ATAD3B: variants seen among roughly 807,000 people sequenced by gnomAD.
ATAD3B encodes ATPase family AAA domain-containing protein 3B.
Under a neutral mutation model 70.2 loss-of-function variants are expected in ATAD3B, and 59 were observed. The ratio of observed to expected loss-of-function variants is 0.84; its 90% CI spans 0.68 to 1.04. The LOEUF is 1.04. Among genes scored for constraint, ATAD3B ranks in the 50% least tolerant of loss-of-function variants. ATAD3B has a pLI of 0.00. For missense variants in ATAD3B, 961 were observed against 913.4 expected (o/e 1.05, Z -0.67); for synonymous variants, 423 against 388.6 (o/e 1.09, Z -1.04).
chr1:1,496,329 G>T lies in ATAD3B; in HGVS notation c.*512G>T, dbSNP rs146920074. ...CTGGAGAATTTACTGATCACAGAGC[G>T]GTGTGCTTCACATCAGCCTCGCGCC... is the stretch of plus-strand genomic sequence containing the variant. On this transcript the variant is annotated 3_prime_UTR_variant, in exon 16 of 16. Coordinates refer to ENST00000673477, the MANE Select transcript of ATAD3B (RefSeq NM_031921.6). The T allele has an allele frequency of 1.2e-6, 1 of 846,608 alleles. No individual in the cohort carries two copies. The highest frequency in any genetic ancestry group is 1.4e-6 in the Non-Finnish European group (1 of 702,666). 52.4% of individuals were successfully genotyped at this position (846,608 alleles called of 1,614,324 possible).
At chr1:1,482,043 G>A (rs1429474984) in intron 5 of ATAD3B, 95 bp from the exon 6 acceptor site, 33 of 1,506,184 alleles carry the variant, frequency 2.2e-5, no homozygotes, top group African/African-American at 7.2e-5. Flanking sequence ...TGTCCGTGGC[G>A]TGGGCCGGTC....
chr1:1,473,579 C>A (rs150991470), intron 1 of ATAD3B, among the ~76,000 whole-genome samples: 2 of 150,418 alleles, frequency 1.3e-5, no homozygotes, highest in African/African-American at 2.4e-5. Flanking sequence ...CACTGCAAAC[C>A]GCAACGCCCT....
In ATAD3B at chr1:1,491,193, C is replaced by T. The variant is rs1225074264; in HGVS notation, c.1614+522C>T. On this transcript the variant is annotated intron_variant, in intron 15 of 15. Transcript: ENST00000673477. Reference sequence around the variant, plus strand: ...CCCTCCTGCTGCTCCTTGGATACTCCAGGGCCGAGGAGCCGAGACTCACTG... The same window carrying T: ...CCCTCCTGCTGCTCCTTGGATACTCTAGGGCCGAGGAGCCGAGACTCACTG... Among the ~76,000 whole-genome samples, 7 of 151,976 alleles carry T rather than the reference C, an allele frequency of 4.6e-5. No individual in the cohort carries two copies. In the South Asian group the frequency reaches 6.2e-4, roughly 14 times the overall value.
chr1:1,471,852 C>T lies in ATAD3B; in HGVS notation c.-33C>T, dbSNP rs561701000. The T allele has an allele frequency of 2.8e-4, 351 of 1,272,888 alleles. 6 individuals carry two copies. In the African/African-American group the frequency reaches 5.2e-3, roughly 19 times the overall value. 78.8% of individuals were successfully genotyped at this position (1,272,888 alleles called of 1,614,324 possible). A position where few individuals can be genotyped will look rare whatever the true frequency, so the allele number is the denominator to read the frequency against. On this transcript the variant is annotated 5_prime_UTR_variant, in exon 1 of 16. Transcript: ENST00000673477. ...GCCCGAGTCAGACTCGGGTGGGGGTCCCGGCGGCGGTAGCGGCGGCGGCGG... is the reference window on the plus strand; with the variant it reads ...GCCCGAGTCAGACTCGGGTGGGGGTTCCGGCGGCGGTAGCGGCGGCGGCGG...
Position 1,497,042 on chromosome 1 carries a change from T to A in ATAD3B, c.*1225T>A, listed in dbSNP as rs1158841308. The A allele has an allele frequency of 1.3e-5, 2 of 149,436 alleles. No individual in the cohort carries two copies. The highest frequency in any genetic ancestry group is 1.3e-4 in the Admixed American group (2 of 14,950). 9.3% of individuals were successfully genotyped at this position (149,436 alleles called of 1,614,324 possible). On this transcript the variant is annotated 3_prime_UTR_variant, in exon 16 of 16. Coordinates refer to ENST00000673477, the MANE Select transcript of ATAD3B (RefSeq NM_031921.6). Reference sequence around the variant, plus strand: ...ACAATGCTTTCTGAACTTTGTGTCCTTAGGAAGGGTGTAGGCTGTTGGTTG... The same window carrying A: ...ACAATGCTTTCTGAACTTTGTGTCCATAGGAAGGGTGTAGGCTGTTGGTTG...
chr1:1,488,000 G>A (rs1312767762), intron 12 of ATAD3B, 86 bp downstream of exon 12: 26 of 1,571,602 alleles, frequency 1.7e-5, no homozygotes, highest in African/African-American at 1.2e-4. Flanking sequence ...CAGCCCTTAA[G>A]CTGGCTTGCA....
intron 1 of ATAD3B, among the ~76,000 whole-genome samples, chr1:1,476,131 C>T (rs1308026408): frequency 4.9e-5 from 7 of 143,454 alleles, no homozygotes; most frequent in Non-Finnish European, 1.5e-5. Flanking sequence ...AGGCAGGTCC[C>T]GGTCTCATCT....
the ATAD3B span, among the ~76,000 whole-genome samples, chr1:1,508,865 G>A: frequency 6.6e-6 from 1 of 151,672 alleles, no homozygotes; most frequent in African/African-American, 2.4e-5. Context: ...GGCACTGCCT[G>A]GCCACGGCTG....
In ATAD3B at chr1:1,485,689, G is replaced by C. The variant is rs558462389; in HGVS notation, c.907-93G>C. The stretch of plus-strand genomic sequence containing the variant: ...CCTGGCTGTGCTTTGGGGCAGCTCC[G>C]TTTCTGTGTGTTACCGAGCATGTGT... On this transcript the variant is annotated intron_variant, in intron 8 of 15. Coordinates refer to ENST00000673477, the MANE Select transcript of ATAD3B (RefSeq NM_031921.6). 5.9e-4 allele frequency: 926 copies of C among 1,564,702 alleles called. 9 individuals carry two copies. The highest frequency in any genetic ancestry group is 2.0e-3 in the Admixed American group (113 of 55,712).
chr1:1,499,110 C>T (rs1488232822), downstream of ATAD3B, among the ~76,000 whole-genome samples: 4 of 151,404 alleles, frequency 2.6e-5, no homozygotes, highest in Non-Finnish European at 4.4e-5. Context: ...TAGCTGGGAC[C>T]ACAGGTGCCC....
At position 1,496,018 on chromosome 1, in the gene ATAD3B, G is replaced by A; in HGVS notation, c.*201G>A. On this transcript the variant is annotated 3_prime_UTR_variant, in exon 16 of 16. Transcript: ENST00000673477. ...GTCTTTGTTCTCGGCTCCCACAGCA[G>A]AGCCAGGTGAGGGGGGGCCTGCCAG... 7.5e-7 allele frequency: 1 copy of A among 1,339,556 alleles called. No individual in the cohort carries two copies. The highest frequency in any genetic ancestry group is 2.7e-5 in the East Asian group (1 of 36,876). 83.0% of individuals were successfully genotyped at this position (1,339,556 alleles called of 1,614,324 possible). A position where few individuals can be genotyped will look rare whatever the true frequency, so the allele number is the denominator to read the frequency against.
downstream of ATAD3B, among the ~76,000 whole-genome samples, chr1:1,502,678 A>G (rs923466228): frequency 6.7e-6 from 1 of 148,378 alleles, no homozygotes; most frequent in Admixed American, 6.8e-5. Flanking sequence ...TGCCCGGCTA[A>G]TTTTTTGTAT....
rs185131665 is a variant in ATAD3B at position 1,472,312 on chromosome 1, A to G, written c.205+223A>G. ...AGCTGTCAGGAGCGGGTCAGGTGCG[A>G]AAAGCGGTGCGGAGGTGGCGCTCAT... On this transcript the variant is annotated intron_variant, in intron 1 of 15. Coordinates refer to ENST00000673477, the MANE Select transcript of ATAD3B (RefSeq NM_031921.6). Among the ~76,000 whole-genome samples the G allele has an allele frequency of 6.5e-3, 980 of 151,004 alleles. 22 individuals carry two copies. Among genetic ancestry groups the G allele is most frequent in the East Asian group, 0.028 (141 of 4,976 alleles).
Position 1,489,267 on chromosome 1 carries a change from A to C in ATAD3B, c.1330A>C (p.Ser444Arg), listed in dbSNP as rs767321626. 99 of 1,613,410 alleles carry C rather than the reference A, an allele frequency of 6.1e-5. 1 individual carries two copies. Among genetic ancestry groups the C allele is most frequent in the Non-Finnish European group, 7.9e-5 (93 of 1,179,648 alleles). Residue 444 changes from serine (S) to arginine (R), a missense_variant, in exon 13 of 16, where the codon AGC becomes CGC. Ser to Arg is a moderately radical substitution (Grantham distance 110, BLOSUM62 -1). Coordinates refer to ENST00000673477, the MANE Select transcript of ATAD3B (RefSeq NM_031921.6). ...CTTCCTGTACCACATGGGCCAACAC[A>C]GCAACAAGTGAGGGAGCCCCTCGGG... Reference protein sequence around the residue: ...NAFLYHMGQHSNKFMLVLASN... With the variant: ...NAFLYHMGQHRNKFMLVLASN...
chr1:1,490,890 G>A (rs566764083), intron 15 of ATAD3B, among the ~76,000 whole-genome samples: 1 of 152,186 alleles, frequency 6.6e-6, no homozygotes, highest in South Asian at 2.1e-4. Flanking sequence ...CATGTTGGTT[G>A]CTGACAGTCA....
chr1:1,492,916 G>C (rs142458952), intron 15 of ATAD3B, among the ~76,000 whole-genome samples: 3,748 of 149,984 alleles, frequency 0.025, 182 homozygotes, highest in African/African-American at 0.088. Context: ...TCCATCCTGG[G>C]TGTCAGAGCG....
chr1:1,482,807 C>G (rs1243743442), intron 7 of ATAD3B, 193 bp downstream of exon 7: 3 of 818,398 alleles, frequency 3.7e-6, no homozygotes, highest in Non-Finnish European at 3.9e-6. Flanking sequence ...ATGCAGTTGC[C>G]AGCCTGGGCC....
chr1:1,495,030 G>A (rs1640710613), intron 15 of ATAD3B, among the ~76,000 whole-genome samples: 1 of 152,108 alleles, frequency 6.6e-6, no homozygotes, highest in South Asian at 2.1e-4. Context: ...ACAGGGAAAT[G>A]GAGGCAGAGG....
chr1:1,502,552 C>T (rs1435135796), downstream of ATAD3B, among the ~76,000 whole-genome samples: 1 of 128,280 alleles, frequency 7.8e-6, no homozygotes, highest in Admixed American at 8.7e-5. Context: ...TGCTCTGTCG[C>T]TGAGGCTGGA....
Sources: allele counts gnomAD v4.1 joint callset (sites outside exome capture counted in the v4.1 genomes callset), GRCh38; gene constraint gnomAD v4.1.1; transcripts MANE v1.5; gene names NCBI Gene and HGNC (gene_info 2026-07-23, HGNC 2026-07-21).